RXFP1: variants seen among roughly 807,000 people sequenced by gnomAD.
RXFP1 encodes the protein relaxin family peptide receptor 1.
RXFP1 carries 73 observed loss-of-function variants against 89.8 expected under a neutral mutation model. The ratio of observed to expected loss-of-function variants is 0.81; its 90% confidence interval spans 0.67 to 0.99. The LOEUF is 0.99. Ranked by LOEUF, RXFP1 falls within the 50% of genes least tolerant of loss-of-function variation. The pLI is 0.00. For missense variants in RXFP1, 793 were observed against 895.5 expected (o/e 0.89, Z 1.46); for synonymous variants, 277 against 305.5 (o/e 0.91, Z 0.97).
chr4:158,554,361 C>T (rs1224978646), intron 1 of RXFP1, among the ~76,000 whole-genome samples: 1 of 151,852 alleles, frequency 6.6e-6, no homozygotes, highest in African/African-American at 2.4e-5. Flanking sequence ...AAGTAAAATC[C>T]CCACTTTCTT....
chr4:158,553,482 C>T (rs566044007), intron 1 of RXFP1, among the ~76,000 whole-genome samples: 20 of 152,080 alleles, frequency 1.3e-4, no homozygotes, highest in South Asian at 4.2e-4. Flanking sequence ...AGGACTGACA[C>T]GGGACAGAGG....
chr4:158,541,175 A>G (rs1284243874), intron 1 of RXFP1, among the ~76,000 whole-genome samples: 8 of 152,212 alleles, frequency 5.3e-5, no homozygotes, highest in South Asian at 2.1e-4. Flanking sequence ...ACCTTGTCAA[A>G]CTCTCAAAGT....
At chr4:158,602,153 G>A (rs1761803284) in intron 4 of RXFP1, among the ~76,000 whole-genome samples, 1 of 152,202 alleles carries the variant, frequency 6.6e-6, no homozygotes, top group African/African-American at 2.4e-5. Context: ...GAGAATAACA[G>A]CATCTACCTC....
At chr4:158,591,709 A>G (rs1476106210) in intron 2 of RXFP1, among the ~76,000 whole-genome samples, 1 of 152,138 alleles carries the variant, frequency 6.6e-6, no homozygotes, top group African/African-American at 2.4e-5. Context: ...AGATTGCACC[A>G]CTGCATTCCA....
At chr4:158,590,385 C>T (rs1759198436) in intron 2 of RXFP1, among the ~76,000 whole-genome samples, 1 of 152,160 alleles carries the variant, frequency 6.6e-6, no homozygotes, top group African/African-American at 2.4e-5. Context: ...GTCTCAAAAT[C>T]CTGACCTCAA....
At chr4:158,617,101 AT>A in intron 8 of RXFP1, 29 bp from the exon 9 acceptor site, 1 of 1,516,100 alleles carries the variant, frequency 6.6e-7, no homozygotes, top group Non-Finnish European at 9.1e-7. Context: ...AACCAGAAAA[AT>A]GTGACTTGTT....
At chr4:158,529,508 C>T (rs1743474575) in intron 1 of RXFP1, among the ~76,000 whole-genome samples, 1 of 152,120 alleles carries the variant, frequency 6.6e-6, no homozygotes. Context: ...CATCCGCCCA[C>T]CTCAGCCTCT....
rs368538416 is a variant in RXFP1, at chr4:158,545,873, T to C, written c.49+23848T>C. Among the ~76,000 whole-genome samples the C allele has an allele frequency of 1.1e-4, 17 of 152,354 alleles. No individual in the cohort carries two copies. In the East Asian group the frequency reaches 2.7e-3, roughly 24 times the overall value. Reference sequence around the variant, plus strand: ...TGTAGCCTTGTAGTATAGTTTGAAGTCAGGTAGCGTGATGCCTCCAGCTTT... The same window carrying C: ...TGTAGCCTTGTAGTATAGTTTGAAGCCAGGTAGCGTGATGCCTCCAGCTTT... On this transcript the variant is annotated intron_variant, in intron 1 of 17. Coordinates refer to ENST00000307765, the MANE Select transcript of RXFP1 (RefSeq NM_021634.4).
intron 12 of RXFP1, 72 bp downstream of exon 12, chr4:158,633,548 C>T: frequency 3.1e-6 from 3 of 972,062 alleles, no homozygotes; most frequent in Non-Finnish European, 3.1e-6. Flanking sequence ...ATATGCATAA[C>T]ATAAAATTAG....
At chr4:158,608,117 C>A (rs1762850505) in intron 6 of RXFP1, 74 bp downstream of exon 6, 2 of 974,868 alleles carry the variant, frequency 2.1e-6, no homozygotes, top group African/African-American at 1.7e-5. Context: ...TCCAGACCAG[C>A]CTCCCTGTCC....
At chr4:158,612,394 C>A in intron 8 of RXFP1, 32 bp downstream of exon 8, 1 of 1,423,362 alleles carries the variant, frequency 7.0e-7, no homozygotes, top group Non-Finnish European at 9.8e-7. Flanking sequence ...ATATTTCAAT[C>A]AAAGGCAAAG....
At chr4:158,603,081 C>T (rs1189997329) in intron 4 of RXFP1, among the ~76,000 whole-genome samples, 3 of 152,106 alleles carry the variant, frequency 2.0e-5, no homozygotes, top group Non-Finnish European at 4.4e-5. Context: ...CTGGCATGCA[C>T]CACCATGCCC....
chr4:158,556,091 A>T (rs1200626189), intron 1 of RXFP1, among the ~76,000 whole-genome samples: 1 of 152,230 alleles, frequency 6.6e-6, no homozygotes, highest in Non-Finnish European at 1.5e-5. Flanking sequence ...GATTATATCA[A>T]ACTGAAAAGT....
At chr4:158,641,910 G>T (rs1315443059) in intron 14 of RXFP1, among the ~76,000 whole-genome samples, 1 of 152,098 alleles carries the variant, frequency 6.6e-6, no homozygotes, top group African/African-American at 2.4e-5. Flanking sequence ...CTCAATAAAA[G>T]GTGTTGGTGT....
At chr4:158,598,674 A>C (rs1291604299) in intron 3 of RXFP1, among the ~76,000 whole-genome samples, 1 of 152,102 alleles carries the variant, frequency 6.6e-6, no homozygotes, top group Non-Finnish European at 1.5e-5. Flanking sequence ...CATACACCTC[A>C]TTCTCCCTCT....
At chr4:158,557,216 T>C (rs1467540771) in intron 1 of RXFP1, among the ~76,000 whole-genome samples, 1 of 152,216 alleles carries the variant, frequency 6.6e-6, no homozygotes, top group Non-Finnish European at 1.5e-5. Context: ...ACAATATGTA[T>C]GTATCAATTT....
chr4:158,637,939 A>T (rs1039385601), intron 12 of RXFP1, 69 bp from the exon 13 acceptor site: 1 of 942,262 alleles, frequency 1.1e-6, no homozygotes, highest in Non-Finnish European at 1.7e-6. Flanking sequence ...AACCCAAAAT[A>T]AACAGATTCA....
chr4:158,569,858 C>T (rs536870071), intron 1 of RXFP1, among the ~76,000 whole-genome samples: 149 of 152,202 alleles, frequency 9.8e-4, no homozygotes, highest in African/African-American at 3.4e-3. Context: ...ATTGGACAAC[C>T]AATATGTGAT....
Position 158,610,813 on chromosome 4 carries a change from G to A in RXFP1, c.537-1317G>A, listed in dbSNP as rs1337257518. ...CCCACCTGGGCTCCAGGTTTGCAAAGGAGGGAAGGAAGAGGCTCTATCATG... is the reference window on the plus strand; with the variant it reads ...CCCACCTGGGCTCCAGGTTTGCAAAAGAGGGAAGGAAGAGGCTCTATCATG... On this transcript the variant is annotated intron_variant, in intron 6 of 17. Transcript: ENST00000307765. The A allele has an allele frequency of 5.1e-6, 4 of 777,620 alleles. No homozygotes were observed. In the East Asian group the frequency reaches 2.6e-4, roughly 51 times the overall value. 48.2% of individuals were successfully genotyped at this position (777,620 alleles called of 1,614,324 possible). A position where few individuals can be genotyped will look rare whatever the true frequency, so the allele number is the denominator to read the frequency against.
Sources: gnomAD v4.1 joint callset for allele counts (sites outside exome capture counted in the v4.1 genomes callset) on GRCh38, gnomAD v4.1.1 for gene constraint, MANE v1.5 for transcripts, NCBI Gene and HGNC (gene_info 2026-07-23, HGNC 2026-07-21) for gene names.